The following NUBPL variants were observed in gnomAD, a reference collection of about 807,000 sequenced individuals.
NUBPL encodes the protein iron-sulfur cluster transfer protein NUBPL.
A neutral mutation model predicts 45.7 loss-of-function variants in NUBPL; 31 were observed. The observed-to-expected ratio is 0.68, with a 90% CI of 0.51 to 0.92. The LOEUF is 0.92. Among genes scored for constraint, NUBPL ranks in the 40% least tolerant of loss-of-function variants. The pLI, the probability that NUBPL is intolerant of heterozygous loss-of-function variation, is 0.00. For synonymous variants in NUBPL, 144 were observed against 140.9 expected, an observed-to-expected ratio of 1.02 and a Z score of -0.15; for missense variants, 401 against 398.7, an observed-to-expected ratio of 1.01 and a Z score of -0.05.
rs1189663300 is a variant in NUBPL, at chr14:31,635,030, T to G, written c.382+35651T>G. ...GTAGGTTGCGAAAATTTTCTCCCATTTTGTAGGTTGCCTGTTCACTCTGAT... is the reference window on the plus strand; with the variant it reads ...GTAGGTTGCGAAAATTTTCTCCCATGTTGTAGGTTGCCTGTTCACTCTGAT... On this transcript the variant is annotated intron_variant, in intron 4 of 10. Transcript: ENST00000281081. Among the ~76,000 whole-genome samples, 278 of 150,016 alleles carry G rather than the reference T, an allele frequency of 1.9e-3. 2 individuals carry two copies. The highest frequency in any genetic ancestry group is 4.9e-3 in the African/African-American group (195 of 40,052).
chr14:31,686,650 C>T (rs2036959267), intron 6 of NUBPL: 1 of 152,176 alleles, frequency 6.6e-6, no homozygotes, highest in South Asian at 2.1e-4. Context: ...TGGGATCTGC[C>T]TTTTCTCCAT....
intron 6 of NUBPL, among the ~76,000 whole-genome samples, chr14:31,693,340 C>T (rs193250332): frequency 6.6e-6 from 1 of 152,046 alleles, no homozygotes; most frequent in Non-Finnish European, 1.5e-5. Context: ...TTCAGACGAC[C>T]TTCTTTGTAG....
intron 7 of NUBPL, among the ~76,000 whole-genome samples, chr14:31,810,858 A>G (rs1156537558): frequency 6.6e-6 from 1 of 152,078 alleles, no homozygotes; most frequent in African/African-American, 2.4e-5. Context: ...AAAGGATTTT[A>G]TTTCTCCTTC....
At chr14:31,762,694 T>G (rs1191210512) in intron 6 of NUBPL, among the ~76,000 whole-genome samples, 2 of 152,216 alleles carry the variant, frequency 1.3e-5, no homozygotes, top group Non-Finnish European at 2.9e-5. Flanking sequence ...TTTTGGGAAA[T>G]TGTTGCTCCT....
chr14:31,802,031 G>T (rs930286481), intron 7 of NUBPL, among the ~76,000 whole-genome samples: 11 of 152,204 alleles, frequency 7.2e-5, no homozygotes, highest in African/African-American at 2.4e-4. Flanking sequence ...TCATGTGTTA[G>T]AAACTTATTT....
At chr14:31,822,766 G>T (rs754302936) in intron 7 of NUBPL, among the ~76,000 whole-genome samples, 2 of 152,012 alleles carry the variant, frequency 1.3e-5, no homozygotes. Context: ...TACATGCTTC[G>T]TGAGCATTTG....
intron 6 of NUBPL, among the ~76,000 whole-genome samples, chr14:31,677,505 A>G (rs997006053): frequency 2.6e-5 from 4 of 152,228 alleles, no homozygotes; most frequent in South Asian, 2.1e-4. Context: ...TCTAAGTTGT[A>G]TCTGCTTTAG....
intron 6 of NUBPL, among the ~76,000 whole-genome samples, chr14:31,695,698 G>A (rs2037200558): frequency 6.6e-6 from 1 of 152,118 alleles, no homozygotes; most frequent in African/African-American, 2.4e-5. Context: ...CAGCACAAAG[G>A]CCCTCACAAG....
intron 6 of NUBPL, among the ~76,000 whole-genome samples, chr14:31,755,308 CCCA>C (rs2038634073): frequency 6.6e-6 from 1 of 152,126 alleles, no homozygotes; most frequent in Non-Finnish European, 1.5e-5. Flanking sequence ...AGTTTACAGT[CCCA>C]CCAACAGTGT....
At chr14:31,729,281 C>G (rs983029618) in intron 6 of NUBPL, among the ~76,000 whole-genome samples, 2 of 48,046 alleles carry the variant, frequency 4.2e-5, no homozygotes, top group Non-Finnish European at 1.7e-4. Flanking sequence ...TCCATCCCCC[C>G]CCCCCCCAAA....
intron 6 of NUBPL, among the ~76,000 whole-genome samples, chr14:31,770,030 A>G (rs925899493): frequency 1.3e-5 from 2 of 152,104 alleles, no homozygotes; most frequent in Non-Finnish European, 2.9e-5. Flanking sequence ...ATTTTTGCCA[A>G]ACTTCCCATT....
chr14:31,813,757 C>T (rs1218644498), intron 7 of NUBPL, among the ~76,000 whole-genome samples: 4 of 152,166 alleles, frequency 2.6e-5, no homozygotes, highest in Non-Finnish European at 4.4e-5. Context: ...CTTTGTTCAA[C>T]TCCCACTTAT....
chr14:31,587,176 A>G (rs2139513206), intron 3 of NUBPL, among the ~76,000 whole-genome samples: 1 of 152,304 alleles, frequency 6.6e-6, no homozygotes, highest in East Asian at 1.9e-4. Flanking sequence ...TAGTTTTGTT[A>G]ACAAGTTGCC....
chr14:31,819,868 T>C (rs1339401922), intron 7 of NUBPL, among the ~76,000 whole-genome samples: 1 of 151,952 alleles, frequency 6.6e-6, no homozygotes, highest in African/African-American at 2.4e-5. Flanking sequence ...TGGCCAGGCG[T>C]GGTGGCTCAC....
At chr14:31,805,385 T>C (rs1426009942) in intron 7 of NUBPL, among the ~76,000 whole-genome samples, 2 of 152,206 alleles carry the variant, frequency 1.3e-5, no homozygotes, top group African/African-American at 4.8e-5. Flanking sequence ...AAGACAGAAC[T>C]ATCATTCAAC....
At chr14:31,770,597 G>A (rs1056066515) in intron 6 of NUBPL, among the ~76,000 whole-genome samples, 2 of 152,166 alleles carry the variant, frequency 1.3e-5, no homozygotes, top group African/African-American at 2.4e-5. Flanking sequence ...TATCATTTAC[G>A]CCTACATCTT....
At chr14:31,565,181 A>G in intron 3 of NUBPL, 133 bp downstream of exon 3, 1 of 534,464 alleles carries the variant, frequency 1.9e-6, no homozygotes, top group Non-Finnish European at 3.4e-6. Context: ...TCTTTAAGGA[A>G]CTCAATGCTG....
intron 4 of NUBPL, among the ~76,000 whole-genome samples, chr14:31,609,773 A>G (rs778650469): frequency 6.6e-6 from 1 of 152,198 alleles, no homozygotes; most frequent in Non-Finnish European, 1.5e-5. Context: ...AGAATTTTGG[A>G]AACTGTACAA....
intron 4 of NUBPL, among the ~76,000 whole-genome samples, chr14:31,667,141 T>C (rs2036451895): frequency 6.6e-6 from 1 of 152,098 alleles, no homozygotes; most frequent in African/African-American, 2.4e-5. Flanking sequence ...TCCTGAAGAG[T>C]GTTTTCCAGC....
Sources: gnomAD v4.1 joint callset for allele counts (sites outside exome capture counted in the v4.1 genomes callset) on GRCh38, gnomAD v4.1.1 for gene constraint, MANE v1.5 for transcripts, NCBI Gene and HGNC (gene_info 2026-07-23, HGNC 2026-07-21) for gene names.